The following FHIT variants were observed in gnomAD, a reference collection of about 807,000 sequenced individuals.
The protein encoded by FHIT is fragile histidine triad diadenosine triphosphatase.
In FHIT, 19 loss-of-function variants were observed where a neutral mutation model predicts 17.9. The ratio of observed to expected loss-of-function variants is 1.06; its 90% CI spans 0.74 to 1.56. FHIT has a LOEUF of 1.56. Ranked by LOEUF, FHIT falls within the 40% of genes most tolerant of loss-of-function variation. FHIT has a pLI of 0.00. For synonymous variants in FHIT, 81 were observed against 69.7 expected, an observed-to-expected ratio of 1.16 and a Z score of -0.81; for missense variants, 248 against 189.2, an observed-to-expected ratio of 1.31 and a Z score of -1.82.
chr3:60,079,057 C>G (rs189150488), intron 5 of FHIT, among the ~76,000 whole-genome samples: 2 of 152,084 alleles, frequency 1.3e-5, no homozygotes, highest in Non-Finnish European at 2.9e-5. Context: ...AAAATAGAGA[C>G]AACATGACTT....
At chr3:61,148,048 T>TAA (rs1021500784) in intron 2 of FHIT, among the ~76,000 whole-genome samples, 1 of 143,636 alleles carries the variant, frequency 7.0e-6, no homozygotes. Flanking sequence ...GAGAAAAGTT[T>TAA]AAAAAAAAAA....
chr3:60,365,804 A>G (rs746616658), intron 5 of FHIT, among the ~76,000 whole-genome samples: 5 of 152,168 alleles, frequency 3.3e-5, no homozygotes, highest in Non-Finnish European at 5.9e-5. Context: ...ATGTTCAGTA[A>G]CTTTAGTTAG....
chr3:60,530,564 G>A (rs979471166), intron 5 of FHIT, among the ~76,000 whole-genome samples: 3 of 152,176 alleles, frequency 2.0e-5, no homozygotes, highest in Non-Finnish European at 4.4e-5. Flanking sequence ...CTAGCAAGGA[G>A]GGCTTCCCCT....
At chr3:60,538,493 A>G (rs577707870) in intron 4 of FHIT, among the ~76,000 whole-genome samples, 31 of 152,320 alleles carry the variant, frequency 2.0e-4, no homozygotes, top group South Asian at 1.0e-3. Context: ...GTCAATCCTA[A>G]GCCAAAAGAA....
chr3:60,247,647 G>A (rs1705470694), intron 5 of FHIT, among the ~76,000 whole-genome samples: 1 of 152,054 alleles, frequency 6.6e-6, no homozygotes. Flanking sequence ...CTCACATTTA[G>A]GCAAATTTTT....
intron 5 of FHIT, among the ~76,000 whole-genome samples, chr3:60,056,088 C>T (rs1267947574): frequency 6.6e-6 from 1 of 152,220 alleles, no homozygotes; most frequent in East Asian, 1.9e-4. Context: ...TCTGAGAGCA[C>T]AGCTCTGCAA....
intron 7 of FHIT, among the ~76,000 whole-genome samples, chr3:59,942,874 C>A (rs1190296893): frequency 2.0e-5 from 3 of 152,038 alleles, no homozygotes; most frequent in Non-Finnish European, 4.4e-5. Flanking sequence ...CTCTCAAACT[C>A]CTGGGCTCAA....
chr3:60,713,314 A>C (rs1553705687), intron 4 of FHIT, among the ~76,000 whole-genome samples: 1 of 151,254 alleles, frequency 6.6e-6, no homozygotes, highest in African/African-American at 2.4e-5. Context: ...AAATGCCCAC[A>C]AGAGAAAGCA....
intron 5 of FHIT, among the ~76,000 whole-genome samples, chr3:60,035,698 T>C (rs1701187644): frequency 6.6e-6 from 1 of 152,230 alleles, no homozygotes; most frequent in Admixed American, 6.5e-5. Context: ...CCAGGCTTGC[T>C]AGGATGGGTC....
chr3:60,783,647 C>T (rs2064012), intron 4 of FHIT, among the ~76,000 whole-genome samples: 91,148 of 152,090 alleles, frequency 0.6, 29,985 homozygotes, highest in African/African-American at 0.88. Flanking sequence ...TAAATCACTT[C>T]TATAACTAAT....
chr3:60,915,483 T>C (rs1341191839), intron 3 of FHIT, among the ~76,000 whole-genome samples: 2 of 152,206 alleles, frequency 1.3e-5, no homozygotes, highest in African/African-American at 2.4e-5. Flanking sequence ...TTCATAAATA[T>C]ACCCATTAGA....
chr3:60,174,486 T>A (rs1042339065), intron 5 of FHIT, among the ~76,000 whole-genome samples: 1 of 152,194 alleles, frequency 6.6e-6, no homozygotes, highest in African/African-American at 2.4e-5. Context: ...ATTAACACTG[T>A]TGGCCTTTCT....
chr3:61,024,533 C>A lies in FHIT; in HGVS notation c.-111+17514G>T, dbSNP rs538150545. 2.4e-3 allele frequency among the ~76,000 whole-genome samples: 366 copies of A among 151,976 alleles called. 3 individuals are homozygous for A. Among genetic ancestry groups the A allele is most frequent in the African/African-American group, 8.1e-3 (337 of 41,486 alleles). ...TCTTTTTCTTTTTAAGAAAAAAATT[C>A]TATATAATTATAGGTTTATTGTTAC... On this transcript the variant is annotated intron_variant, in intron 3 of 9. Coordinates refer to ENST00000492590, the MANE Select transcript of FHIT (RefSeq NM_002012.4).
At chr3:60,636,198 G>A (rs2039580359) in intron 4 of FHIT, among the ~76,000 whole-genome samples, 1 of 152,050 alleles carries the variant, frequency 6.6e-6, no homozygotes, top group African/African-American at 2.4e-5. Flanking sequence ...AGCCTCCAGA[G>A]TAGCTGGAAC....
intron 5 of FHIT, among the ~76,000 whole-genome samples, chr3:60,296,329 A>G (rs1047216712): frequency 6.6e-6 from 1 of 152,056 alleles, no homozygotes; most frequent in African/African-American, 2.4e-5. Context: ...TTTTCCCCGC[A>G]TCTTCACCAG....
chr3:59,935,172 G>C (rs974071279), intron 7 of FHIT, among the ~76,000 whole-genome samples: 11 of 152,060 alleles, frequency 7.2e-5, no homozygotes, highest in African/African-American at 2.7e-4. Context: ...GGGTGGGAAG[G>C]GACAGTGCCT....
At chr3:60,055,159 C>T (rs1490388786) in intron 5 of FHIT, among the ~76,000 whole-genome samples, 1 of 152,156 alleles carries the variant, frequency 6.6e-6, no homozygotes, top group Non-Finnish European at 1.5e-5. Flanking sequence ...GAAGGGTACC[C>T]TTGACTGCTC....
intron 5 of FHIT, among the ~76,000 whole-genome samples, chr3:60,243,848 G>T (rs545411483): frequency 5.3e-5 from 8 of 152,182 alleles, no homozygotes; most frequent in African/African-American, 1.9e-4. Context: ...TCAATGAAAG[G>T]TCAACACAGA....
At chr3:60,278,476 G>A (rs1707276541) in intron 5 of FHIT, among the ~76,000 whole-genome samples, 1 of 152,120 alleles carries the variant, frequency 6.6e-6, no homozygotes, top group Admixed American at 6.5e-5. Context: ...TAAGAAAACT[G>A]AGATGTAATC....
Sources: allele counts gnomAD v4.1 joint callset (sites outside exome capture counted in the v4.1 genomes callset), GRCh38; gene constraint gnomAD v4.1.1; transcripts MANE v1.5; gene names NCBI Gene and HGNC (gene_info 2026-07-23, HGNC 2026-07-21).